Variants in MAP4 observed in about 807,000 individuals in gnomAD.
The protein encoded by MAP4 is microtubule associated protein 4, also known as microtubule-associated protein 4.
Under a neutral mutation model 170.2 loss-of-function variants are expected in MAP4, and 76 were observed. The observed-to-expected ratio is 0.45, with a 90% CI of 0.37 to 0.54. The LOEUF is 0.54. Among genes scored for constraint, MAP4 ranks in the 20% least tolerant of loss-of-function variants. MAP4 has a pLI of 0.00. For missense variants in MAP4, 2,506 were observed against 2,748.0 expected, an observed-to-expected ratio of 0.91 and a Z score of 1.97; for synonymous variants, 909 against 994.5, an observed-to-expected ratio of 0.91 and a Z score of 1.62.
intron 17 of MAP4, among the ~76,000 whole-genome samples, chr3:47,863,340 G>A (rs1438334141): frequency 6.6e-6 from 1 of 152,128 alleles, no homozygotes; most frequent in Non-Finnish European, 1.5e-5. Flanking sequence ...CCACCTCTAG[G>A]CTACAGCTCT....
chr3:47,911,501 G>A lies in MAP4; in HGVS notation c.2920C>T (p.Pro974Ser), dbSNP rs1256671063. Residue 974 changes from proline to serine, a missense_variant, in exon 9 of 21, where the codon CCC (proline) becomes TCC (serine). By Grantham distance (74) the Pro-to-Ser change is moderately conservative. Coordinates refer to ENST00000683076, the MANE Select transcript of MAP4 (RefSeq NM_001385682.1). The surrounding 1 kb of genome is among the most constrained non-coding windows in gnomAD (Gnocchi z 4.0). ...TAAKEIPNLV[P>S]TLIASNPLEC... ...AATGGATTACTTGCTATCAAAGTGG[G>A]TACCAAATTTGGTATTTCTTTTGCT... The A allele has an allele frequency of 1.3e-6, 2 of 1,535,894 alleles. No individual in the cohort carries two copies. Among genetic ancestry groups the A allele is most frequent in the South Asian group, 1.2e-5 (1 of 84,042 alleles).
chr3:47,996,710 G>C (rs1402019315), intron 2 of MAP4, among the ~76,000 whole-genome samples: 1 of 148,674 alleles, frequency 6.7e-6, no homozygotes, highest in Non-Finnish European at 1.5e-5. Flanking sequence ...TTTTACATGT[G>C]AGATCCAGCA....
intron 1 of MAP4, among the ~76,000 whole-genome samples, chr3:48,055,194 CTCTCCGTCTCCGTCTCCG>C (rs1209559579): frequency 0.037 from 3,676 of 98,650 alleles, 134 homozygotes; most frequent in African/African-American, 0.099. Flanking sequence ...CTCCCTCTCC[CTCTCCGTCTCCGTCTCCG>C]TCTCCGTCTC....
In MAP4 at chr3:47,921,838, C is replaced by T. The variant is rs1314605667; in HGVS notation, c.456G>A (p.Leu152=). The T allele has an allele frequency of 4.4e-6, 7 of 1,606,724 alleles. No individual in the cohort carries two copies. The African/African-American group carries it at 9.4e-5, about 21-fold the overall frequency. The change falls in exon 5 of 21, where the codon TTG becomes TTA. Residue 152 remains leucine, a synonymous_variant. Coordinates refer to ENST00000683076, the MANE Select transcript of MAP4 (RefSeq NM_001385682.1). ...CAGCTGTCGCACTGGAGGGAAAGAC[C>T]AAATCTGCCAGGTCATCATCATGGT... ...KMYHDDDLAD[L]VFPSSATADT... is the part of the protein sequence containing the mutation.
intron 8 of MAP4, 55 bp from the exon 9 acceptor site, chr3:47,912,476 C>A (rs1363122031): frequency 4.3e-6 from 6 of 1,393,720 alleles, no homozygotes; most frequent in Non-Finnish European, 5.6e-6. Context: ...CAACAAAAAA[C>A]AAACAAACAA....
chr3:47,908,978 C>T, intron 9 of MAP4, 60 bp downstream of exon 9: 3 of 1,535,596 alleles, frequency 2.0e-6, no homozygotes, highest in Non-Finnish European at 2.6e-6. Context: ...AAGCTCTTTG[C>T]CTTTCTGATG....
At chr3:48,025,992 A>G (rs2100112947) in intron 1 of MAP4, among the ~76,000 whole-genome samples, 2 of 151,042 alleles carry the variant, frequency 1.3e-5, no homozygotes, top group Admixed American at 1.3e-4. Context: ...CATTAGAACT[A>G]TAAAGCAAAG....
At position 47,897,298 on chromosome 3, in the gene MAP4, T is replaced by C. The variant is rs563386279; in HGVS notation, c.5434+5652A>G. ...CACACCACCACACCTGACTAATTTT[T>C]GTATTTTTAGTAGAGACAGGGTTTC... is the stretch of plus-strand genomic sequence containing the variant. On this transcript the variant is annotated intron_variant, in intron 10 of 20. Transcript: ENST00000683076. Among the ~76,000 whole-genome samples, 6 of 152,168 alleles carry C rather than the reference T, an allele frequency of 3.9e-5. No individual in the cohort carries two copies. The East Asian group carries it at 7.8e-4, about 20-fold the overall frequency.
intron 1 of MAP4, among the ~76,000 whole-genome samples, chr3:48,046,317 A>C (rs1011764481): frequency 6.6e-6 from 1 of 152,220 alleles, no homozygotes. Flanking sequence ...ATGTAGTGAC[A>C]GAAGAGCTGG....
intron 15 of MAP4, among the ~76,000 whole-genome samples, chr3:47,869,917 G>A (rs1043185118): frequency 2.0e-5 from 3 of 152,134 alleles, no homozygotes; most frequent in African/African-American, 2.4e-5. Context: ...AGCCACTGTC[G>A]CTACCACAAG....
intron 1 of MAP4, among the ~76,000 whole-genome samples, chr3:48,001,711 G>A (rs1442763835): frequency 6.6e-6 from 1 of 152,026 alleles, no homozygotes; most frequent in Non-Finnish European, 1.5e-5. Flanking sequence ...TGTTGGTTAG[G>A]CTGGTCTCGA....
At chr3:47,998,611 T>C (rs755983718) in intron 2 of MAP4, 27 bp downstream of exon 2, 21 of 1,548,802 alleles carry the variant, frequency 1.4e-5, no homozygotes, top group Non-Finnish European at 1.8e-5. Flanking sequence ...TCTGAACATA[T>C]ATAAGCAGTC....
chr3:47,866,220 C>G (rs2079552332), intron 17 of MAP4, among the ~76,000 whole-genome samples: 1 of 151,598 alleles, frequency 6.6e-6, no homozygotes, highest in Non-Finnish European at 1.5e-5. Context: ...GCCTGTAGCC[C>G]CAGCTACTTG....
chr3:47,973,926 C>A (rs752699392), intron 3 of MAP4: 12 of 985,192 alleles, frequency 1.2e-5, no homozygotes, highest in Non-Finnish European at 1.3e-5. Flanking sequence ...TAACCTCTTT[C>A]CTTTAAAACA....
chr3:48,060,755 A>C (rs2100134748), intron 1 of MAP4, among the ~76,000 whole-genome samples: 1 of 152,138 alleles, frequency 6.6e-6, no homozygotes, highest in African/African-American at 2.4e-5. Flanking sequence ...CTCTACAAAA[A>C]AAAAAATAAT....
chr3:47,970,027 G>A (rs1461289650), intron 3 of MAP4, among the ~76,000 whole-genome samples: 1 of 152,140 alleles, frequency 6.6e-6, no homozygotes. Context: ...CAGTGACTAG[G>A]TCAGTAGTCA....
chr3:47,988,208 A>G (rs2100090031), intron 2 of MAP4, among the ~76,000 whole-genome samples: 1 of 151,660 alleles, frequency 6.6e-6, no homozygotes, highest in Non-Finnish European at 1.5e-5. Flanking sequence ...AAAAAAAAAA[A>G]GAAAGCAAAG....
Position 47,917,150 on chromosome 3 carries a change from A to G in MAP4, c.677T>C (p.Ile226Thr), listed in dbSNP as rs199724089. The change falls in exon 7 of 21, where the codon ATA becomes ACA. Residue 226 changes from isoleucine (I) to threonine (T), a missense_variant. Coordinates refer to ENST00000683076, the MANE Select transcript of MAP4 (RefSeq NM_001385682.1). ...TAVPLELAKE[I>T]EMASEERPPA... ...TGGCCTCTCTTCTGATGCCATTTCT[A>G]TCTCCTTGGCTAGCTCTAAGGGAAC... The G allele has an allele frequency of 1.5e-5, 24 of 1,613,912 alleles. No homozygotes were observed. Among genetic ancestry groups the G allele is most frequent in the East Asian group, 6.7e-5 (3 of 44,882 alleles).
At chr3:48,044,505 C>T (rs1026677661) in intron 1 of MAP4, among the ~76,000 whole-genome samples, 1 of 151,902 alleles carries the variant, frequency 6.6e-6, no homozygotes, top group Non-Finnish European at 1.5e-5. Context: ...TGGCTCATGC[C>T]TGTAATCCCA....
Sources: allele counts gnomAD v4.1 joint callset (sites outside exome capture counted in the v4.1 genomes callset), GRCh38; gene constraint gnomAD v4.1.1; non-coding constraint Gnocchi (gnomAD v3.1); transcripts MANE v1.5; gene names NCBI Gene and HGNC (gene_info 2026-07-23, HGNC 2026-07-21).